Variants in GDAP1 observed in about 807,000 individuals in gnomAD.
GDAP1 encodes the protein ganglioside-induced differentiation-associated protein 1.
A neutral mutation model predicts 40.1 loss-of-function variants in GDAP1; 34 were observed. The ratio of observed to expected loss-of-function variants is 0.85; its 90% CI spans 0.64 to 1.13. GDAP1 has a LOEUF of 1.13. Ranked by LOEUF, GDAP1 falls within the 50% of genes most tolerant of loss-of-function variation. The pLI, the probability that GDAP1 is intolerant of heterozygous loss-of-function variation, is 0.00. For synonymous variants in GDAP1, 170 were observed against 157.4 expected, an observed-to-expected ratio of 1.08 and a Z score of -0.60; for missense variants, 374 against 433.7, an observed-to-expected ratio of 0.86 and a Z score of 1.22.
chr8:74,447,655 A>G (rs1357436145), intron 2 of GDAP1, among the ~76,000 whole-genome samples: 2 of 152,120 alleles, frequency 1.3e-5, no homozygotes, highest in African/African-American at 2.4e-5. Flanking sequence ...ACACCCACAA[A>G]GGGTAATAAA....
intron 2 of GDAP1, among the ~76,000 whole-genome samples, chr8:74,351,876 G>C (rs1456762987): frequency 6.6e-6 from 1 of 152,154 alleles, no homozygotes; most frequent in Admixed American, 6.5e-5. Flanking sequence ...TCTTAAAGGA[G>C]AATAGAATGT....
intron 2 of GDAP1, among the ~76,000 whole-genome samples, chr8:74,483,573 A>G (rs1035961461): frequency 6.6e-6 from 1 of 152,152 alleles, no homozygotes; most frequent in African/African-American, 2.4e-5. Context: ...CATCTTTTAT[A>G]GGGTTATATA....
intron 2 of GDAP1, among the ~76,000 whole-genome samples, chr8:74,354,546 A>G (rs55932055): frequency 0.19 from 28,474 of 152,184 alleles, 2,932 homozygotes; most frequent in Admixed American, 0.31. Context: ...ATACAACAAA[A>G]TGGAAAAATA....
chr8:74,487,154 A>G (rs1201124992), intron 2 of GDAP1, among the ~76,000 whole-genome samples: 1 of 152,126 alleles, frequency 6.6e-6, no homozygotes, highest in Non-Finnish European at 1.5e-5. Flanking sequence ...TGTTAGCTTT[A>G]TTAATATTAT....
chr8:74,421,468 A>G (rs1805856844), intron 2 of GDAP1, among the ~76,000 whole-genome samples: 1 of 152,176 alleles, frequency 6.6e-6, no homozygotes, highest in Non-Finnish European at 1.5e-5. Context: ...ACTTGTCACT[A>G]TTGTCATGAG....
chr8:74,377,412 G>A (rs1247133715), intron 2 of GDAP1, among the ~76,000 whole-genome samples: 1 of 152,156 alleles, frequency 6.6e-6, no homozygotes. Context: ...AAGAGGATAT[G>A]TGAATAGTCA....
rs758684020 is a variant in GDAP1, at chr8:74,350,424, C to A, written c.-38C>A. On this transcript the variant is annotated 5_prime_UTR_variant, in exon 1 of 6. Coordinates refer to ENST00000220822, the MANE Select transcript of GDAP1 (RefSeq NM_018972.4). Reference sequence around the variant, plus strand: ...CAGTGTGGGAGGGAGAAGTCCAGGGCGGACAGGCTGGGCGCACCCGTGCTC... The same window carrying A: ...CAGTGTGGGAGGGAGAAGTCCAGGGAGGACAGGCTGGGCGCACCCGTGCTC... 6 of 1,283,814 alleles carry A rather than the reference C, an allele frequency of 4.7e-6. No homozygotes were observed. Among genetic ancestry groups the A allele is most frequent in the Non-Finnish European group, 6.8e-6 (6 of 883,652 alleles). 79.5% of individuals were successfully genotyped at this position (1,283,814 alleles called of 1,614,324 possible).
At chr8:74,467,900 CA>C (rs1288247199) in intron 2 of GDAP1, among the ~76,000 whole-genome samples, 1 of 152,142 alleles carries the variant, frequency 6.6e-6, no homozygotes, top group African/African-American at 2.4e-5. Flanking sequence ...TTGAGAGTTT[CA>C]TTTTTTTATA....
In GDAP1 at chr8:74,409,015, C is replaced by T. The variant is rs567412768; in HGVS notation, c.165+57694C>T. Among the ~76,000 whole-genome samples, 13 of 150,058 alleles carry T rather than the reference C, an allele frequency of 8.7e-5. 3 individuals are homozygous for T. Among genetic ancestry groups the T allele is most frequent in the African/African-American group, 2.8e-4 (11 of 39,406 alleles). On this transcript the variant is annotated intron_variant, in intron 2 of 2. Coordinates refer to the GDAP1 transcript ENST00000523640. ...TTGCAATGTAGTCCCAGACTACCTT[C>T]ACCAGAGTCATTTGGGGTACGTGTA...
chr8:74,472,620 A>C (rs1806572073), intron 2 of GDAP1, among the ~76,000 whole-genome samples: 1 of 151,974 alleles, frequency 6.6e-6, no homozygotes, highest in Non-Finnish European at 1.5e-5. Context: ...ACTTTTTAAT[A>C]ATAGCCATTC....
rs1328547487 is a variant in GDAP1, at chr8:74,350,543, C to T, written c.82C>T (p.Leu28=). ...GGCCGACGCGGAGGTTAAGCTCATT[C>T]TGTACCATTGGACGCATTCCTTCAG... ...GKADAEVKLI[L]YHWTHSFSSQ... Residue 28 remains leucine, a synonymous_variant, in exon 1 of 6, where the codon CTG becomes TTG. Transcript: ENST00000220822. 5 of 1,611,644 alleles carry T rather than the reference C, an allele frequency of 3.1e-6. No individual in the cohort carries two copies. In the South Asian group the frequency reaches 5.5e-5, roughly 18 times the overall value.
intron 2 of GDAP1, among the ~76,000 whole-genome samples, chr8:74,407,856 T>C (rs1224525251): frequency 1.3e-5 from 2 of 149,824 alleles, no homozygotes; most frequent in African/African-American, 2.5e-5. Flanking sequence ...TCTCTGTTCC[T>C]TTTTTTCTGC....
intron 2 of GDAP1, among the ~76,000 whole-genome samples, chr8:74,438,139 G>A (rs761145043): frequency 1.1e-4 from 17 of 152,036 alleles, no homozygotes; most frequent in African/African-American, 3.1e-4. Context: ...GCATGGTGGC[G>A]CGCGCCTGTA....
intron 3 of GDAP1, among the ~76,000 whole-genome samples, chr8:74,360,702 C>T (rs1809319106): frequency 6.6e-6 from 1 of 152,118 alleles, no homozygotes; most frequent in Non-Finnish European, 1.5e-5. Flanking sequence ...TTGTTGTTTT[C>T]GTTATTTGAG....
chr8:74,364,239 C>G lies in GDAP1; in HGVS notation c.949C>G (p.Pro317Ala), dbSNP rs1394434918. The change falls in exon 6 of 6, where the codon CCA becomes GCA. Residue 317 changes from proline (P) to alanine (A), a missense_variant. Pro to Ala is a conservative substitution (Grantham distance 27, BLOSUM62 -1). Transcript: ENST00000220822. ...TAFRVAKKRA[P>A]KVLGTTLVVG... ...ATTCCGGGTGGCCAAGAAAAGGGCCCCAAAAGTTCTTGGCACGACCCTTGT... is the reference window on the plus strand; with the variant it reads ...ATTCCGGGTGGCCAAGAAAAGGGCCGCAAAAGTTCTTGGCACGACCCTTGT... The G allele has an allele frequency of 6.2e-7, 1 of 1,614,022 alleles. No individual in the cohort carries two copies. The highest frequency in any genetic ancestry group is 8.5e-7 in the Non-Finnish European group (1 of 1,180,044).
At chr8:74,459,860 A>T (rs1262822378) in intron 2 of GDAP1, among the ~76,000 whole-genome samples, 1 of 152,354 alleles carries the variant, frequency 6.6e-6, no homozygotes, top group East Asian at 1.9e-4. Context: ...GAGCTATTCA[A>T]ATGTACTTAA....
At chr8:74,484,245 T>A (rs919209714) in intron 2 of GDAP1, among the ~76,000 whole-genome samples, 2 of 152,196 alleles carry the variant, frequency 1.3e-5, no homozygotes, top group Non-Finnish European at 2.9e-5. Context: ...AACAATTTCC[T>A]TCTATACGTC....
chr8:74,428,547 A>T (rs1181990675), intron 2 of GDAP1, among the ~76,000 whole-genome samples: 1 of 147,992 alleles, frequency 6.8e-6, no homozygotes, highest in Admixed American at 6.8e-5. Flanking sequence ...GCCCCCTGCA[A>T]CCTCTGCCTC....
chr8:74,473,384 G>A (rs968383616), intron 2 of GDAP1, among the ~76,000 whole-genome samples: 3 of 152,124 alleles, frequency 2.0e-5, no homozygotes, highest in African/African-American at 7.2e-5. Flanking sequence ...CCTGTGTCCA[G>A]AATGGTATTG....
Sources: allele counts gnomAD v4.1 joint callset (sites outside exome capture counted in the v4.1 genomes callset), GRCh38; gene constraint gnomAD v4.1.1; transcripts MANE v1.5; gene names NCBI Gene and HGNC (gene_info 2026-07-23, HGNC 2026-07-21).